PLD4: variants seen among roughly 807,000 people sequenced by gnomAD.
PLD4 encodes the protein 5'-3' exonuclease PLD4.
In PLD4, 54 loss-of-function variants were observed where a neutral mutation model predicts 52.3. That is an observed-to-expected ratio of 1.03 (90% CI 0.83 to 1.30). The LOEUF is 1.30. PLD4 is among the 50% of genes most tolerant of loss of function. PLD4 has a pLI of 0.00. For missense variants in PLD4, 731 were observed against 671.1 expected (o/e 1.09, Z -0.99); for synonymous variants, 264 against 286.5 (o/e 0.92, Z 0.79).
chr14:104,930,624 A>G, intron 6 of PLD4, 118 bp from the exon 7 acceptor site: 21 of 1,059,086 alleles, frequency 2.0e-5, no homozygotes, highest in Non-Finnish European at 3.0e-5. Flanking sequence ...GCTTCCCGCA[A>G]GTGGGGACCA....
At chr14:104,927,516 C>T (rs561270936) in intron 2 of PLD4, among the ~76,000 whole-genome samples, 157 bp from the exon 3 acceptor site, 5 of 152,342 alleles carry the variant, frequency 3.3e-5, no homozygotes, top group Admixed American at 2.6e-4. Context: ...CTGTATCACC[C>T]TCCCCTCTCC....
intron 6 of PLD4, chr14:104,930,522 C>T: frequency 1.7e-6 from 1 of 603,500 alleles, no homozygotes; most frequent in Non-Finnish European, 2.9e-6. Flanking sequence ...ACGTGTATTG[C>T]TTTGATCATT....
rs1897621284 is a variant in PLD4, at chr14:104,930,878, A to T, written c.854A>T (p.His285Leu). The change falls in exon 7 of 11, where the codon CAC becomes CTC. Residue 285 changes from histidine (H) to leucine (L), a missense_variant. His to Leu is a moderately conservative substitution (Grantham distance 99). Coordinates refer to ENST00000392593, the MANE Select transcript of PLD4 (RefSeq NM_138790.5). The stretch of plus-strand genomic sequence containing the variant: ...ACCTGGCCTCAGAACTTCTCATCTC[A>T]CTTCAACCGTTTCCAGCCCTTCCAC... Reference protein sequence around the residue: ...PKTWPQNFSSHFNRFQPFHGL... With the variant: ...PKTWPQNFSSLFNRFQPFHGL... 1 of 1,613,184 alleles carries T rather than the reference A, an allele frequency of 6.2e-7. No individual in the cohort carries two copies. Among genetic ancestry groups the T allele is most frequent in the Non-Finnish European group, 8.5e-7 (1 of 1,179,948 alleles).
At chr14:104,931,618 CTCA>C in intron 7 of PLD4, 127 bp from the exon 8 acceptor site, 1 of 1,293,502 alleles carries the variant, frequency 7.7e-7, no homozygotes, top group Non-Finnish European at 1.0e-6. Context: ...CCCTTCTTTC[CTCA>C]TATTTCCAGG....
rs762019106 is a variant in PLD4 at position 104,931,992 on chromosome 14, C to T, written c.1059-20C>T. 1 of 1,557,264 alleles carries T rather than the reference C, an allele frequency of 6.4e-7. No individual in the cohort carries two copies. The highest frequency in any genetic ancestry group is 8.7e-7 in the Non-Finnish European group (1 of 1,153,188). On this transcript the variant is annotated intron_variant, in intron 8 of 10. Transcript: ENST00000392593. ...TCGGGCCCGGCTTGTAAGCAGAGCCCCGTCCCTCCCCACCCCAAGGTACTG... is the reference window on the plus strand; with the variant it reads ...TCGGGCCCGGCTTGTAAGCAGAGCCTCGTCCCTCCCCACCCCAAGGTACTG...
chr14:104,933,019 C>T lies in PLD4; in HGVS notation c.*55C>T. On this transcript the variant is annotated 3_prime_UTR_variant, in exon 11 of 11. Coordinates refer to ENST00000392593, the MANE Select transcript of PLD4 (RefSeq NM_138790.5). ...GCCCCGCACGCGCCCTCCCCTCTGA[C>T]CCCGGCCTGGGCTTCAGCCGCTTCC... The T allele has an allele frequency of 6.7e-7, 1 of 1,485,634 alleles. No individual in the cohort carries two copies. Among genetic ancestry groups the T allele is most frequent in the South Asian group, 1.3e-5 (1 of 77,336 alleles). The allele number at this position is 1,485,634 out of a possible 1,614,324, so 92.0% of individuals were successfully genotyped here. A position where few individuals can be genotyped will look rare whatever the true frequency, so the allele number is the denominator to read the frequency against.
chr14:104,932,312 G>A lies in PLD4; in HGVS notation c.1278G>A (p.Val426=). 1 of 1,612,728 alleles carries A rather than the reference G, an allele frequency of 6.2e-7. No individual in the cohort carries two copies. The highest frequency in any genetic ancestry group is 2.2e-5 in the East Asian group (1 of 44,870). ...ATTCCAACATCCCATTCAGCAGGGT[G>A]AACCACAGCAAGTTCATGGTCACGG... ...GNHSNIPFSR[V]NHSKFMVTEK... The change falls in exon 10 of 11, where the codon GTG becomes GTA. Residue 426 remains valine, a synonymous_variant. Coordinates refer to ENST00000392593, the MANE Select transcript of PLD4 (RefSeq NM_138790.5). This position sits in a 1 kb window ranked among gnomAD's most constrained non-coding sequence, Gnocchi z 6.5.
intron 7 of PLD4, 104 bp downstream of exon 7, chr14:104,931,046 C>T (rs1387674238): frequency 4.6e-5 from 61 of 1,324,562 alleles, no homozygotes; most frequent in Non-Finnish European, 6.4e-5. Context: ...CCAGCAGCAT[C>T]AGCTGGGTCC....
At chr14:104,927,085 A>G (rs751282312) in intron 1 of PLD4, 56 bp from the exon 2 acceptor site, 4 of 1,446,094 alleles carry the variant, frequency 2.8e-6, no homozygotes, top group Non-Finnish European at 3.7e-6. Flanking sequence ...CCAGGCACTG[A>G]GGGGCAGTTC....
intron 6 of PLD4, chr14:104,930,514 G>A (rs762156747): frequency 2.0e-5 from 12 of 594,714 alleles, no homozygotes; most frequent in East Asian, 5.6e-5. Flanking sequence ...TGTAATAAAC[G>A]TGTATTGCTT....
In PLD4 at chr14:104,932,768, C is replaced by A. The variant is rs758257858; in HGVS notation, c.1325C>A (p.Thr442Asn). The change falls in exon 11 of 11, where the codon ACC (threonine) becomes AAC (asparagine). Residue 442 changes from threonine to asparagine, a missense_variant. Coordinates refer to ENST00000392593, the MANE Select transcript of PLD4 (RefSeq NM_138790.5). The surrounding 1 kb of genome is among the most constrained non-coding windows in gnomAD (Gnocchi z 6.5). ...MVTEKAAYIG[T>N]SNWSEDYFSS... ...GTCTCCTCCATCCTCCCCGCAGGCA[C>A]CTCCAACTGGTCGGAGGATTACTTC... is the stretch of plus-strand genomic sequence containing the variant. 1.9e-6 allele frequency: 3 copies of A among 1,569,450 alleles called. No homozygotes were observed. The highest frequency in any genetic ancestry group is 3.5e-5 in the Admixed American group (2 of 56,468).
chr14:104,932,970 G>C lies in PLD4; in HGVS notation c.*6G>C. The C allele has an allele frequency of 6.4e-7, 1 of 1,568,870 alleles. No individual in the cohort carries two copies. On this transcript the variant is annotated 3_prime_UTR_variant, in exon 11 of 11. Coordinates refer to ENST00000392593, the MANE Select transcript of PLD4 (RefSeq NM_138790.5). This position sits in a 1 kb window ranked among gnomAD's most constrained non-coding sequence, Gnocchi z 6.5. ...ACTGCGTTTGGCAGGGCTGAGGGGG[G>C]CCTCTTTTTCTCTCGGCGACCCCGC... is the stretch of plus-strand genomic sequence containing the variant.
rs1296355791 is a variant in PLD4, at chr14:104,927,762, G to A, written c.180G>A (p.Trp60Ter). The A allele has an allele frequency of 5.0e-6, 8 of 1,599,118 alleles. No individual in the cohort carries two copies. The South Asian group carries it at 7.8e-5, about 16-fold the overall frequency. ...GGCAAGTGCCCCGTCCTCCCACCTGGGGCCAGGTGCAGCCCAAGGACGTGC... is the reference window on the plus strand; with the variant it reads ...GGCAAGTGCCCCGTCCTCCCACCTGAGGCCAGGTGCAGCCCAAGGACGTGC... ...LLWQVPRPPTWGQVQPKDVPR... is the reference protein window; with the variant it reads ...LLWQVPRPPT The change falls in exon 3 of 11, where the codon TGG becomes TGA. Residue 60 changes from tryptophan to a stop codon, truncating the protein, a stop_gained. Coordinates refer to ENST00000392593, the MANE Select transcript of PLD4 (RefSeq NM_138790.5). LOFTEE classifies it high-confidence loss of function.
rs117085637 is a variant in PLD4, at chr14:104,931,741, G to A, written c.919-7G>A. On this transcript the variant is annotated splice_polypyrimidine_tract_variant and splice_region_variant and intron_variant, in intron 7 of 10. Transcript: ENST00000392593. The stretch of plus-strand genomic sequence containing the variant: ...CAGAGCCTTCAGGGATTTCTCTCCC[G>A]TCACAGGCGTCGCCACCAGCACTCT... The A allele has an allele frequency of 0.02, 32,202 of 1,581,606 alleles. 368 individuals carry two copies. The highest frequency in any genetic ancestry group is 0.023 in the Non-Finnish European group (26,309 of 1,165,250).
At chr14:104,928,464 A>G (rs1595378368) in intron 3 of PLD4, among the ~76,000 whole-genome samples, 1 of 151,522 alleles carries the variant, frequency 6.6e-6, no homozygotes, top group African/African-American at 2.4e-5. Flanking sequence ...TGGGGCCAGG[A>G]CCCCCCAGTC....
In PLD4 at chr14:104,930,873, AT is replaced by A. The variant is rs1302592211; in HGVS notation, c.850del (p.Ser284LeufsTer44). ...CCAAAACCTGGCCTCAGAACTTCTC[AT>A]CTCACTTCAACCGTTTCCAGCCCTT... ...LPKTWPQNFS[S>X]HFNRFQPFHG... On this transcript the variant is annotated frameshift_variant, in exon 7 of 11. Coordinates refer to ENST00000392593, the MANE Select transcript of PLD4 (RefSeq NM_138790.5). LOFTEE classifies it high-confidence loss of function. The A allele has an allele frequency of 1.2e-6, 2 of 1,612,930 alleles. No individual in the cohort carries two copies. The highest frequency in any genetic ancestry group is 1.7e-5 in the Admixed American group (1 of 60,026).
Position 104,932,163 on chromosome 14 carries a change from G to A in PLD4, c.1210G>A (p.Val404Ile). The change falls in exon 9 of 11, where the codon GTC becomes ATC. Residue 404 changes from valine (V) to isoleucine (I), a missense_variant. By Grantham distance (29) the Val-to-Ile change is conservative (BLOSUM62 3). Transcript: ENST00000392593. This position sits in a 1 kb window ranked among gnomAD's most constrained non-coding sequence, Gnocchi z 6.5. ...LQALSNPAAN[V>I]SVDVKVFIVP... ...GGCGCTCAGCAACCCCGCGGCCAAC[G>A]TCTCTGTGGACGTGGTGAGGGCGTG... is the stretch of plus-strand genomic sequence containing the variant. 3.1e-6 allele frequency: 5 copies of A among 1,611,182 alleles called. No homozygotes were observed. Among genetic ancestry groups the A allele is most frequent in the Non-Finnish European group, 4.2e-6 (5 of 1,179,008 alleles).
In PLD4 at chr14:104,932,278, T is replaced by C. The variant is rs545456164; in HGVS notation, c.1244T>C (p.Val415Ala). Residue 415 changes from valine (V) to alanine (A), a missense_variant, in exon 10 of 11, where the codon GTG becomes GCG. Transcript: ENST00000392593. This position sits in a 1 kb window ranked among gnomAD's most constrained non-coding sequence, Gnocchi z 6.5. ...CCTAAGAAAGTCTTCATCGTGCCGGTGGGGAACCATTCCAACATCCCATTC... is the reference window on the plus strand; with the variant it reads ...CCTAAGAAAGTCTTCATCGTGCCGGCGGGGAACCATTCCAACATCCCATTC... ...SVDVKVFIVP[V>A]GNHSNIPFSR... 1.9e-6 allele frequency: 3 copies of C among 1,612,686 alleles called. No homozygotes were observed. Among genetic ancestry groups the C allele is most frequent in the Non-Finnish European group, 2.5e-6 (3 of 1,179,842 alleles).
Position 104,932,387 on chromosome 14 carries a change from C to A in PLD4, c.1321+32C>A. On this transcript the variant is annotated intron_variant, in intron 10 of 10. Coordinates refer to ENST00000392593, the MANE Select transcript of PLD4 (RefSeq NM_138790.5). This position sits in a 1 kb window ranked among gnomAD's most constrained non-coding sequence, Gnocchi z 6.5. ...GCGATCAGATCACGGCGGGCGGGCC[C>A]CAGGGTGGCCAGGCACGGGCGAGGG... 4.4e-6 allele frequency: 7 copies of A among 1,599,502 alleles called. No homozygotes were observed. Among genetic ancestry groups the A allele is most frequent in the Non-Finnish European group, 6.0e-6 (7 of 1,168,928 alleles).
Sources: gnomAD v4.1 joint callset for allele counts (sites outside exome capture counted in the v4.1 genomes callset) on GRCh38, gnomAD v4.1.1 for gene constraint, Gnocchi (gnomAD v3.1) non-coding constraint, MANE v1.5 for transcripts, NCBI Gene and HGNC (gene_info 2026-07-23, HGNC 2026-07-21) for gene names.